TRPS1: variants seen among roughly 807,000 people sequenced by gnomAD.
The protein encoded by TRPS1 is transcriptional repressor GATA binding 1.
TRPS1 carries 6 observed loss-of-function variants against 101.2 expected under a neutral mutation model. That is an observed-to-expected ratio of 0.06 (90% CI 0.03 to 0.12). TRPS1 has a LOEUF of 0.12. Ranked by LOEUF, TRPS1 falls within the 10% of genes least tolerant of loss-of-function variation. The pLI is 1.00. For synonymous variants in TRPS1, 578 were observed against 589.8 expected, an observed-to-expected ratio of 0.98 and a Z score of 0.29; for missense variants, 1,363 against 1,567.0, an observed-to-expected ratio of 0.87 and a Z score of 2.20.
intron 5 of TRPS1, among the ~76,000 whole-genome samples, chr8:115,488,968 A>G (rs1814955374): frequency 6.6e-6 from 1 of 152,194 alleles, no homozygotes; most frequent in East Asian, 1.9e-4. Flanking sequence ...AGTTACTTCT[A>G]TTTTAAAAAA....
intron 5 of TRPS1, among the ~76,000 whole-genome samples, chr8:115,525,999 A>C (rs1476687708): frequency 6.6e-6 from 1 of 152,188 alleles, no homozygotes; most frequent in Admixed American, 6.5e-5. Context: ...TTGGGCAATA[A>C]ATTATTTGCA....
chr8:115,498,364 A>C (rs10112223), intron 5 of TRPS1, among the ~76,000 whole-genome samples: 2 of 137,388 alleles, frequency 1.5e-5, no homozygotes, highest in African/African-American at 2.7e-5. Context: ...GGCAACAAAG[A>C]GAGAGCCCGT....
At chr8:115,486,720 G>C (rs1398885867) in intron 5 of TRPS1, among the ~76,000 whole-genome samples, 1 of 152,158 alleles carries the variant, frequency 6.6e-6, no homozygotes, top group African/African-American at 2.4e-5. Flanking sequence ...CCCAAAGCAA[G>C]GCCCTAATTC....
At chr8:115,518,058 T>TG (rs1815761582) in intron 5 of TRPS1, among the ~76,000 whole-genome samples, 1 of 258 alleles carries the variant, frequency 3.9e-3, no homozygotes, top group Non-Finnish European at 9.4e-3. Context: ...AGAGGTCATA[T>TG]CCCAGAAGAA....
intron 5 of TRPS1, among the ~76,000 whole-genome samples, chr8:115,453,103 C>A (rs2129936046): frequency 6.6e-6 from 1 of 151,880 alleles, no homozygotes; most frequent in Non-Finnish European, 1.5e-5. Context: ...CTCACTGCAA[C>A]CTCCGCCTCC....
At chr8:115,596,491 C>T (rs1299494517) in intron 4 of TRPS1, among the ~76,000 whole-genome samples, 96 of 151,658 alleles carry the variant, frequency 6.3e-4, no homozygotes, top group Non-Finnish European at 1.5e-4. Flanking sequence ...AAAACTGAAG[C>T]GATTACAGAA....
At chr8:115,560,733 T>A (rs1816926518) in intron 5 of TRPS1, among the ~76,000 whole-genome samples, 1 of 152,058 alleles carries the variant, frequency 6.6e-6, no homozygotes, top group Non-Finnish European at 1.5e-5. Context: ...CATTTAGATT[T>A]TTACAATGCT....
intron 4 of TRPS1, among the ~76,000 whole-genome samples, chr8:115,596,546 T>C (rs1817788436): frequency 6.6e-6 from 1 of 151,800 alleles, no homozygotes; most frequent in Non-Finnish European, 1.5e-5. Flanking sequence ...TCTATGCGTG[T>C]GTAGAGAGGA....
intron 5 of TRPS1, among the ~76,000 whole-genome samples, chr8:115,535,227 T>TAGC (rs1816264546): frequency 8.4e-6 from 1 of 118,832 alleles, no homozygotes; most frequent in African/African-American, 3.2e-5. Flanking sequence ...ATATAGCATA[T>TAGC]ATATATAGCA....
intron 5 of TRPS1, among the ~76,000 whole-genome samples, chr8:115,547,662 G>T (rs966579513): frequency 1.3e-5 from 2 of 152,108 alleles, no homozygotes; most frequent in Non-Finnish European, 2.9e-5. Flanking sequence ...TCACCATCTT[G>T]CCACGGTCCC....
chr8:115,587,887 T>G (rs1817604475), intron 4 of TRPS1, among the ~76,000 whole-genome samples: 1 of 152,232 alleles, frequency 6.6e-6, no homozygotes, highest in African/African-American at 2.4e-5. Flanking sequence ...ACGCTGCTCG[T>G]GCTTGTGCGC....
chr8:115,542,649 C>A (rs776440123), intron 5 of TRPS1, among the ~76,000 whole-genome samples: 11 of 152,244 alleles, frequency 7.2e-5, no homozygotes, highest in Non-Finnish European at 1.3e-4. Flanking sequence ...CTTTTAGACT[C>A]TGACTTCCTC....
At chr8:115,642,991 T>G (rs1818938197) in intron 1 of TRPS1, among the ~76,000 whole-genome samples, 1 of 151,926 alleles carries the variant, frequency 6.6e-6, no homozygotes, top group African/African-American at 2.4e-5. Flanking sequence ...ACAAGAATAT[T>G]TTGGTTTCCC....
chr8:115,534,976 A>C (rs1397264778), intron 5 of TRPS1, among the ~76,000 whole-genome samples: 1 of 150,532 alleles, frequency 6.6e-6, no homozygotes, highest in Non-Finnish European at 1.5e-5. Context: ...ATCTAAAGTA[A>C]AACACTTGGC....
At chr8:115,634,201 G>C (rs371904562) in intron 1 of TRPS1, among the ~76,000 whole-genome samples, 1 of 152,030 alleles carries the variant, frequency 6.6e-6, no homozygotes, top group Non-Finnish European at 1.5e-5. Flanking sequence ...ACTATTCCAC[G>C]GAGTTTCTCA....
intron 3 of TRPS1, among the ~76,000 whole-genome samples, chr8:115,612,147 AAAG>A (rs1329577187): frequency 0.027 from 2 of 74 alleles, no homozygotes; most frequent in East Asian, 0.25. Context: ...GGACAGAAGA[AAAG>A]AACAGAAAAA....
At chr8:115,477,254 T>C (rs1232585854) in intron 5 of TRPS1, among the ~76,000 whole-genome samples, 3 of 152,220 alleles carry the variant, frequency 2.0e-5, no homozygotes, top group Admixed American at 6.5e-5. Flanking sequence ...TAAACAAATA[T>C]GTCATAGACA....
chr8:115,430,856 A>G (rs1218420702), intron 5 of TRPS1, among the ~76,000 whole-genome samples: 1 of 152,104 alleles, frequency 6.6e-6, no homozygotes, highest in African/African-American at 2.4e-5. Context: ...AAACACCAAC[A>G]ATGTTGTCAA....
Position 115,604,148 on chromosome 8 carries a change from G to A in TRPS1, c.1821C>T (p.His607=), listed in dbSNP as rs746449823. The A allele has an allele frequency of 6.2e-6, 10 of 1,613,998 alleles. No individual in the cohort carries two copies. The highest frequency in any genetic ancestry group is 6.8e-6 in the Non-Finnish European group (8 of 1,180,008). The change falls in exon 4 of 7, where the codon CAC becomes CAT. Residue 607 remains histidine, a synonymous_variant. Transcript: ENST00000395715. The surrounding 1 kb of genome is among the most constrained non-coding windows in gnomAD (Gnocchi z 4.1). ...PFACRKSNCS[H]CALLLLHLSP... ...ACAAGTGCAGAAGCAAGAGTGCACAGTGGGAACAATTACTTTTTCTACAAG... is the reference window on the plus strand; with the variant it reads ...ACAAGTGCAGAAGCAAGAGTGCACAATGGGAACAATTACTTTTTCTACAAG...
Sources: allele counts gnomAD v4.1 joint callset (sites outside exome capture counted in the v4.1 genomes callset), GRCh38; gene constraint gnomAD v4.1.1; non-coding constraint Gnocchi (gnomAD v3.1); transcripts MANE v1.5; gene names NCBI Gene and HGNC (gene_info 2026-07-23, HGNC 2026-07-21).